Variants in CLVS1 observed in about 807,000 individuals in gnomAD.
CLVS1 encodes the protein clavesin 1.
A neutral mutation model predicts 33.1 loss-of-function variants in CLVS1; 10 were observed. That is an observed-to-expected ratio of 0.30 (90% CI 0.19 to 0.51). CLVS1 has a LOEUF of 0.51. Among genes scored for constraint, CLVS1 ranks in the 20% least tolerant of loss-of-function variants. The pLI is 0.97. For missense variants in CLVS1, 343 were observed against 433.4 expected (o/e 0.79, Z 1.85); for synonymous variants, 163 against 166.1 (o/e 0.98, Z 0.14).
intron 5 of CLVS1, 172 bp downstream of exon 5, chr8:61,458,714 G>A (rs999241335): frequency 2.7e-5 from 15 of 561,018 alleles, no homozygotes; most frequent in African/African-American, 3.8e-5. Context: ...ATGGGGCTTG[G>A]CTGGCCCAGC....
At chr8:60,998,607 C>T in the CLVS1 span, among the ~76,000 whole-genome samples, 1 of 152,180 alleles carries the variant, frequency 6.6e-6, no homozygotes, top group Non-Finnish European at 1.5e-5. Flanking sequence ...CCCCCACCCC[C>T]TGCCTCTGGC....
At chr8:61,413,933 C>T (rs1815330822) in intron 3 of CLVS1, among the ~76,000 whole-genome samples, 1 of 152,178 alleles carries the variant, frequency 6.6e-6, no homozygotes, top group East Asian at 1.9e-4. Flanking sequence ...ACTGATGATT[C>T]CAGAAATGTG....
intron 1 of CLVS1, among the ~76,000 whole-genome samples, chr8:61,289,093 A>G (rs1001424220): frequency 1.3e-5 from 2 of 152,264 alleles, no homozygotes; most frequent in Admixed American, 6.5e-5. Context: ...TGGCAAAAGT[A>G]GTAATGATAT....
chr8:61,237,319 G>A (rs1240176475), intron 2 of CLVS1, among the ~76,000 whole-genome samples: 5 of 152,130 alleles, frequency 3.3e-5, no homozygotes, highest in South Asian at 2.1e-4. Flanking sequence ...ATGGTGGTAC[G>A]TACCTGTAGT....
chr8:61,144,384 T>C (rs1806374977), intron 2 of CLVS1, among the ~76,000 whole-genome samples: 1 of 152,188 alleles, frequency 6.6e-6, no homozygotes, highest in Admixed American at 6.5e-5. Context: ...CATTAACTCA[T>C]CCTTTTTTAT....
intron 5 of CLVS1, among the ~76,000 whole-genome samples, chr8:61,484,488 G>T (rs958909296): frequency 5.3e-5 from 8 of 152,198 alleles, no homozygotes; most frequent in Admixed American, 3.3e-4. Flanking sequence ...TGGGTAGGAA[G>T]AATCAATATC....
At chr8:61,091,704 T>C (rs975667728) in intron 1 of CLVS1, among the ~76,000 whole-genome samples, 6 of 152,348 alleles carry the variant, frequency 3.9e-5, no homozygotes, top group Middle Eastern at 3.4e-3. Flanking sequence ...CAGCTTTTAC[T>C]AAATATCTAA....
At chr8:61,245,196 T>C (rs752571126) in intron 2 of CLVS1, among the ~76,000 whole-genome samples, 11 of 152,134 alleles carry the variant, frequency 7.2e-5, no homozygotes, top group Non-Finnish European at 1.5e-4. Context: ...CCTTACATAT[T>C]AGAGCTGTCT....
chr8:61,042,175 A>G, the CLVS1 span, among the ~76,000 whole-genome samples: 3 of 152,234 alleles, frequency 2.0e-5, no homozygotes, highest in Non-Finnish European at 2.9e-5. Flanking sequence ...TTTCTCATCC[A>G]CAAAATGAGG....
chr8:61,016,942 G>T, the CLVS1 span, among the ~76,000 whole-genome samples: 1 of 152,192 alleles, frequency 6.6e-6, no homozygotes, highest in Non-Finnish European at 1.5e-5. Context: ...CAGGGATCCC[G>T]ATCTGCTGCC....
the CLVS1 span, among the ~76,000 whole-genome samples, chr8:61,028,798 C>G: frequency 2.0e-5 from 3 of 152,238 alleles, no homozygotes; most frequent in Non-Finnish European, 2.9e-5. Flanking sequence ...GATTCTCCAG[C>G]TGAGGTTCTG....
At chr8:61,301,791 G>A (rs916791404) in intron 2 of CLVS1, among the ~76,000 whole-genome samples, 1 of 152,148 alleles carries the variant, frequency 6.6e-6, no homozygotes, top group Non-Finnish European at 1.5e-5. Context: ...TGTATACTTT[G>A]TGTATTCTTA....
chr8:61,132,484 G>A (rs1806119142), intron 2 of CLVS1, among the ~76,000 whole-genome samples: 1 of 152,234 alleles, frequency 6.6e-6, no homozygotes, highest in Admixed American at 6.5e-5. Context: ...TGGCTGAATG[G>A]GGCAGGCTTC....
At chr8:61,478,603 G>T (rs1419768482) in intron 5 of CLVS1, among the ~76,000 whole-genome samples, 1 of 152,032 alleles carries the variant, frequency 6.6e-6, no homozygotes. Context: ...ATCTTTGTTG[G>T]TTTAAAGTCT....
rs115124763 is a variant in CLVS1, at chr8:61,235,120, G to A, written c.-151-64557G>A. Among the ~76,000 whole-genome samples the A allele has an allele frequency of 2.1e-3, 315 of 152,290 alleles. 3 individuals carry two copies. Among genetic ancestry groups the A allele is most frequent in the African/African-American group, 7.3e-3 (302 of 41,562 alleles). ...GCTGAAGGCACTAAGAATTTGTGGA[G>A]AGAGCATCTCAATGACTCTGCTTTC... On this transcript the variant is annotated intron_variant, in intron 2 of 2. Coordinates refer to the CLVS1 transcript ENST00000522621.
intron 1 of CLVS1, among the ~76,000 whole-genome samples, chr8:61,297,313 A>G (rs757687628): frequency 3.9e-5 from 6 of 152,170 alleles, no homozygotes; most frequent in Admixed American, 1.3e-4. Flanking sequence ...CAGCAAGCGT[A>G]TCAATAGGGA....
At chr8:61,234,116 C>T (rs543414041) in intron 2 of CLVS1, among the ~76,000 whole-genome samples, 73 of 152,136 alleles carry the variant, frequency 4.8e-4, no homozygotes, top group Middle Eastern at 3.4e-3. Context: ...GGTAGGGGGG[C>T]CAGCTTCCTG....
intron 5 of CLVS1, among the ~76,000 whole-genome samples, chr8:61,480,098 T>C (rs1271578181): frequency 6.6e-6 from 1 of 152,216 alleles, no homozygotes; most frequent in Non-Finnish European, 1.5e-5. Context: ...GAACCACTAC[T>C]CTCTTCAAAG....
At position 61,452,284 on chromosome 8, in the gene CLVS1, G is replaced by C. The variant is rs146638584; in HGVS notation, c.631-1857G>C. Among the ~76,000 whole-genome samples the C allele has an allele frequency of 4.6e-3, 707 of 152,266 alleles. 8 individuals carry two copies. Among genetic ancestry groups the C allele is most frequent in the Admixed American group, 0.025 (386 of 15,292 alleles). On this transcript the variant is annotated intron_variant, in intron 3 of 5. Coordinates refer to ENST00000325897, the MANE Select transcript of CLVS1 (RefSeq NM_173519.3). ...TTTGCCTACTGTCAAGTATTATTTAGAGTTCCACTTCAGTAACCTAGAACT... is the reference window on the plus strand; with the variant it reads ...TTTGCCTACTGTCAAGTATTATTTACAGTTCCACTTCAGTAACCTAGAACT...
Sources: allele counts gnomAD v4.1 joint callset (sites outside exome capture counted in the v4.1 genomes callset), GRCh38; gene constraint gnomAD v4.1.1; transcripts MANE v1.5; gene names NCBI Gene and HGNC (gene_info 2026-07-23, HGNC 2026-07-21).